Variants in APBA1 observed in about 807,000 individuals in gnomAD.
APBA1 encodes amyloid-beta A4 precursor protein-binding family A member 1.
A neutral mutation model predicts 86.6 loss-of-function variants in APBA1; 55 were observed. The observed-to-expected ratio is 0.64, with a 90% CI of 0.51 to 0.80. APBA1 has a LOEUF of 0.80. APBA1 is among the 30% of genes least tolerant of loss of function. The probability of loss-of-function intolerance (pLI) is 0.00; values close to 1 mark genes in which losing one functional copy is unlikely to be tolerated. For synonymous variants in APBA1, 511 were observed against 493.9 expected, an observed-to-expected ratio of 1.03 and a Z score of -0.46; for missense variants, 1,090 against 1,183.0, an observed-to-expected ratio of 0.92 and a Z score of 1.15.
chr9:69,589,547 G>A (rs542857347), intron 1 of APBA1, among the ~76,000 whole-genome samples: 2 of 152,258 alleles, frequency 1.3e-5, no homozygotes, highest in East Asian at 3.9e-4. Flanking sequence ...CCAGAAACAA[G>A]GAAGGGTGGG....
rs1389865701 is a variant in APBA1 at position 69,621,474 on chromosome 9, A to T, written c.-70+50679T>A. Among the ~76,000 whole-genome samples the T allele has an allele frequency of 2.6e-5, 4 of 152,160 alleles. No individual in the cohort carries two copies. In the East Asian group the frequency reaches 7.7e-4, roughly 29 times the overall value. ...AAAAGCCAATGACAACTTCTTATCCATGGAGAAACTGTATGGTGCAGTGGC... is the reference window on the plus strand; with the variant it reads ...AAAAGCCAATGACAACTTCTTATCCTTGGAGAAACTGTATGGTGCAGTGGC... On this transcript the variant is annotated intron_variant, in intron 1 of 12. Transcript: ENST00000265381.
At position 69,488,306 on chromosome 9, in the gene APBA1, T is replaced by C. The variant is rs576483062; in HGVS notation, c.1201-12163A>G. ...CACATGTGATTTGAAGGTTATTTTG[T>C]GTGATTCACTGACTTTTTTTGAAAA... On this transcript the variant is annotated intron_variant, in intron 2 of 12. Coordinates refer to ENST00000265381, the MANE Select transcript of APBA1 (RefSeq NM_001163.4). Among the ~76,000 whole-genome samples, 116 of 152,264 alleles carry C rather than the reference T, an allele frequency of 7.6e-4. 1 individual carries two copies. The South Asian group carries it at 0.023, about 31-fold the overall frequency.
intron 2 of APBA1, among the ~76,000 whole-genome samples, chr9:69,515,042 G>A (rs944516922): frequency 1.3e-5 from 2 of 152,196 alleles, no homozygotes; most frequent in East Asian, 1.9e-4. Context: ...TCAAATTGTC[G>A]TCCTGGGACC....
chr9:69,446,910 C>T (rs1588288629), intron 10 of APBA1, among the ~76,000 whole-genome samples: 1 of 152,302 alleles, frequency 6.6e-6, no homozygotes, highest in Admixed American at 6.5e-5. Context: ...TTAAGTCCTC[C>T]CCTTGTCTGA....
At chr9:69,469,442 A>G (rs1317544716) in intron 4 of APBA1, among the ~76,000 whole-genome samples, 1 of 152,198 alleles carries the variant, frequency 6.6e-6, no homozygotes, top group Non-Finnish European at 1.5e-5. Flanking sequence ...TGAAACAGAG[A>G]AATTAAAAGT....
chr9:69,553,016 A>T (rs1184904804), intron 1 of APBA1, among the ~76,000 whole-genome samples: 2 of 149,072 alleles, frequency 1.3e-5, no homozygotes, highest in Non-Finnish European at 3.0e-5. Context: ...CAATCCTCCC[A>T]CCTAAGCCTC....
intron 2 of APBA1, among the ~76,000 whole-genome samples, chr9:69,497,750 T>G (rs1405328123): frequency 6.6e-6 from 1 of 152,122 alleles, no homozygotes; most frequent in Admixed American, 6.5e-5. Context: ...CATAGCCCCC[T>G]GCACCATCTC....
At chr9:69,615,731 G>C (rs978016661) in intron 1 of APBA1, among the ~76,000 whole-genome samples, 1 of 152,144 alleles carries the variant, frequency 6.6e-6, no homozygotes, top group African/African-American at 2.4e-5. Flanking sequence ...CTATAGATTA[G>C]ACTAGATCCT....
chr9:69,503,408 C>A (rs1835907785), intron 2 of APBA1, among the ~76,000 whole-genome samples: 1 of 151,958 alleles, frequency 6.6e-6, no homozygotes, highest in South Asian at 2.1e-4. Flanking sequence ...GTTTATACTG[C>A]CTCACCTTGG....
chr9:69,440,088 C>T (rs943468557), intron 11 of APBA1, among the ~76,000 whole-genome samples: 3 of 152,192 alleles, frequency 2.0e-5, no homozygotes, highest in Non-Finnish European at 4.4e-5. Flanking sequence ...GCAGTGGCTG[C>T]AGAACAGCGG....
At chr9:69,503,035 T>A (rs1271662668) in intron 2 of APBA1, among the ~76,000 whole-genome samples, 2 of 152,142 alleles carry the variant, frequency 1.3e-5, no homozygotes, top group African/African-American at 4.8e-5. Flanking sequence ...TGTGTGTGCT[T>A]AACACAAACA....
At chr9:69,620,488 G>A (rs1822794039) in intron 1 of APBA1, among the ~76,000 whole-genome samples, 1 of 152,144 alleles carries the variant, frequency 6.6e-6, no homozygotes, top group South Asian at 2.1e-4. Flanking sequence ...GACCAGCCTA[G>A]CCAGCATGGT....
At chr9:69,597,135 A>G (rs998598208) in intron 1 of APBA1, among the ~76,000 whole-genome samples, 2 of 152,218 alleles carry the variant, frequency 1.3e-5, no homozygotes, top group Admixed American at 6.5e-5. Context: ...TGCTTTATCA[A>G]CTGAGAAATC....
chr9:69,543,182 C>T (rs1836644134), intron 1 of APBA1, among the ~76,000 whole-genome samples: 1 of 152,190 alleles, frequency 6.6e-6, no homozygotes, highest in Admixed American at 6.5e-5. Context: ...GGCCGTGGCC[C>T]CTAATTGGAG....
chr9:69,544,813 C>T (rs1489697096), intron 1 of APBA1, among the ~76,000 whole-genome samples: 1 of 152,182 alleles, frequency 6.6e-6, no homozygotes, highest in Non-Finnish European at 1.5e-5. Context: ...TAGATGGTTT[C>T]AAGGAAGGAT....
At chr9:69,621,897 A>G (rs1588397534) in intron 1 of APBA1, among the ~76,000 whole-genome samples, 1 of 152,214 alleles carries the variant, frequency 6.6e-6, no homozygotes, top group African/African-American at 2.4e-5. Context: ...ATTGGAACGC[A>G]GTGTTGGCTA....
intron 1 of APBA1, among the ~76,000 whole-genome samples, chr9:69,600,917 A>C (rs1274112544): frequency 6.6e-6 from 1 of 151,830 alleles, no homozygotes; most frequent in Non-Finnish European, 1.5e-5. Context: ...AAATGAGATA[A>C]TATAAATAAA....
intron 1 of APBA1, among the ~76,000 whole-genome samples, chr9:69,523,508 T>C (rs1237573520): frequency 6.3e-5 from 2 of 31,786 alleles, no homozygotes; most frequent in African/African-American, 1.4e-4. Context: ...TATATATATA[T>C]ATATATATAT....
Position 69,604,183 on chromosome 9 carries a change from T to C in APBA1, c.-70+67970A>G, listed in dbSNP as rs114427930. Among the ~76,000 whole-genome samples the C allele has an allele frequency of 4.4e-3, 665 of 151,588 alleles. 3 individuals carry two copies. The highest frequency in any genetic ancestry group is 0.015 in the African/African-American group (624 of 41,304). The stretch of plus-strand genomic sequence containing the variant: ...TTGTGGGGGGGTGTGCACATGAGTG[T>C]GGGCACGCATGCACACACTTGAGGG... On this transcript the variant is annotated intron_variant, in intron 1 of 12. Coordinates refer to ENST00000265381, the MANE Select transcript of APBA1 (RefSeq NM_001163.4).
Sources: allele counts gnomAD v4.1 joint callset (sites outside exome capture counted in the v4.1 genomes callset), GRCh38; gene constraint gnomAD v4.1.1; transcripts MANE v1.5; gene names NCBI Gene and HGNC (gene_info 2026-07-23, HGNC 2026-07-21).